ARHGAP15: variants seen among roughly 807,000 people sequenced by gnomAD.
ARHGAP15 encodes the protein Rho GTPase activating protein 15.
ARHGAP15 carries 51 observed loss-of-function variants against 63.7 expected under a neutral mutation model. The observed-to-expected ratio is 0.80, with a 90% confidence interval of 0.64 to 1.01. The LOEUF (loss-of-function observed/expected upper bound fraction) is 1.01. Among genes scored for constraint, ARHGAP15 ranks in the 50% least tolerant of loss-of-function variants. The pLI, the probability that ARHGAP15 is intolerant of heterozygous loss-of-function variation, is 0.00. For synonymous variants in ARHGAP15, 191 were observed against 193.8 expected (o/e 0.99, Z 0.12); for missense variants, 560 against 564.6 (o/e 0.99, Z 0.08).
At chr2:143,427,728 CT>C (rs1269194054) in intron 6 of ARHGAP15, among the ~76,000 whole-genome samples, 1 of 152,022 alleles carries the variant, frequency 6.6e-6, no homozygotes, top group Non-Finnish European at 1.5e-5. Context: ...AAAATATAGC[CT>C]TCAGACTGCC....
At chr2:143,360,268 C>T (rs1022287879) in intron 6 of ARHGAP15, among the ~76,000 whole-genome samples, 6 of 151,462 alleles carry the variant, frequency 4.0e-5, no homozygotes, top group African/African-American at 1.5e-4. Context: ...GCTGTAGTCC[C>T]AAGCTACTTA....
rs545025685 is a variant in ARHGAP15 at position 143,264,744 on chromosome 2, G to A, written c.474+14144G>A. 3.0e-4 allele frequency among the ~76,000 whole-genome samples: 45 copies of A among 152,192 alleles called. No individual in the cohort carries two copies. In the South Asian group the frequency reaches 8.9e-3, roughly 30 times the overall value. ...AATAGCTAATTGATACAAGTAATAT[G>A]TCTACAAATACAGTAGTTTGATTTT... On this transcript the variant is annotated intron_variant, in intron 6 of 13. Coordinates refer to ENST00000295095, the MANE Select transcript of ARHGAP15 (RefSeq NM_018460.4).
At chr2:143,221,127 T>C (rs73962376) in intron 4 of ARHGAP15, among the ~76,000 whole-genome samples, 2,171 of 152,254 alleles carry the variant, frequency 0.014, 66 homozygotes, top group African/African-American at 0.05. Flanking sequence ...GGTACTTCAA[T>C]TGTCACTTAA....
chr2:143,406,052 T>G (rs534756083), intron 6 of ARHGAP15, among the ~76,000 whole-genome samples: 2 of 152,064 alleles, frequency 1.3e-5, no homozygotes, highest in East Asian at 3.9e-4. Flanking sequence ...CTTTGAATAT[T>G]TTTCTGTTTC....
At chr2:143,703,309 C>G in intron 12 of ARHGAP15, 110 bp from the exon 13 acceptor site, 3 of 677,936 alleles carry the variant, frequency 4.4e-6, no homozygotes, top group Non-Finnish European at 7.4e-6. Flanking sequence ...CTGACTAGGA[C>G]TCTTAGTTGC....
intron 6 of ARHGAP15, among the ~76,000 whole-genome samples, chr2:143,259,284 A>C (rs1219645032): frequency 1.3e-5 from 2 of 152,160 alleles, no homozygotes; most frequent in South Asian, 2.1e-4. Context: ...ATCAGAAAAG[A>C]AAATATTTGT....
intron 11 of ARHGAP15, among the ~76,000 whole-genome samples, chr2:143,560,306 ATTTAT>A (rs1695967851): frequency 6.6e-6 from 1 of 152,222 alleles, no homozygotes; most frequent in African/African-American, 2.4e-5. Context: ...CATTTTCATA[ATTTAT>A]TATGTGCCAG....
rs144673075 is a variant in ARHGAP15, at chr2:143,492,892, T to C, written c.826+5397T>C. On this transcript the variant is annotated intron_variant, in intron 9 of 13. Transcript: ENST00000295095. ...TACCATAGTGGAACCCCGTCTCTTC[T>C]AAAAAATACAAAAAAATTAGCCAGC... is the stretch of plus-strand genomic sequence containing the variant. Among the ~76,000 whole-genome samples the C allele has an allele frequency of 6.0e-3, 841 of 139,580 alleles. 11 individuals carry two copies. Among genetic ancestry groups the C allele is most frequent in the African/African-American group, 0.02 (804 of 39,970 alleles). The allele number at this position is 139,580 out of a possible 152,430, so 91.6% of individuals were successfully genotyped here.
At chr2:143,580,387 G>C (rs1277881955) in intron 11 of ARHGAP15, among the ~76,000 whole-genome samples, 2 of 152,044 alleles carry the variant, frequency 1.3e-5, no homozygotes, top group African/African-American at 4.8e-5. Context: ...ATTATTTCCA[G>C]CCCACGCCCA....
intron 3 of ARHGAP15, among the ~76,000 whole-genome samples, chr2:143,208,585 G>T (rs140614365): frequency 6.6e-6 from 1 of 152,106 alleles, no homozygotes; most frequent in African/African-American, 2.4e-5. Context: ...ATAGGGTTTC[G>T]GTAGAAGAGA....
chr2:143,570,749 A>G (rs1216563357), intron 11 of ARHGAP15, among the ~76,000 whole-genome samples: 3 of 152,204 alleles, frequency 2.0e-5, no homozygotes, highest in African/African-American at 7.2e-5. Context: ...ATTTCCTGCA[A>G]TTTACACATT....
At chr2:143,307,642 G>A (rs932849211) in intron 6 of ARHGAP15, among the ~76,000 whole-genome samples, 1 of 152,042 alleles carries the variant, frequency 6.6e-6, no homozygotes, top group East Asian at 1.9e-4. Context: ...TGTGAAAAGA[G>A]AGAGAAAAGA....
chr2:143,663,638 A>T (rs1282319876), intron 12 of ARHGAP15, among the ~76,000 whole-genome samples: 1 of 152,156 alleles, frequency 6.6e-6, no homozygotes, highest in Non-Finnish European at 1.5e-5. Flanking sequence ...ATAAAGAGTC[A>T]AGACCCATCA....
At chr2:143,518,649 C>T (rs370176463) in intron 9 of ARHGAP15, among the ~76,000 whole-genome samples, 2 of 152,124 alleles carry the variant, frequency 1.3e-5, no homozygotes, top group African/African-American at 2.4e-5. Flanking sequence ...TTCCAAAGAA[C>T]CTGTGTCACA....
intron 2 of ARHGAP15, among the ~76,000 whole-genome samples, chr2:143,198,064 C>T (rs1691954714): frequency 2.6e-5 from 4 of 151,804 alleles, no homozygotes; most frequent in Admixed American, 2.6e-4. Flanking sequence ...GGTTAAAATA[C>T]TACCTATGCC....
At chr2:143,644,630 G>A (rs1454250083) in intron 12 of ARHGAP15, among the ~76,000 whole-genome samples, 2 of 152,026 alleles carry the variant, frequency 1.3e-5, no homozygotes, top group Non-Finnish European at 2.9e-5. Context: ...TTACCCAACT[G>A]AATTTTTACA....
intron 12 of ARHGAP15, among the ~76,000 whole-genome samples, chr2:143,663,845 C>A (rs1681983673): frequency 6.6e-6 from 1 of 152,150 alleles, no homozygotes; most frequent in Non-Finnish European, 1.5e-5. Context: ...GTAAAGGGAT[C>A]AATTCAACAA....
At chr2:143,370,263 A>C (rs1216066905) in intron 6 of ARHGAP15, among the ~76,000 whole-genome samples, 3 of 152,102 alleles carry the variant, frequency 2.0e-5, no homozygotes, top group East Asian at 1.9e-4. Context: ...TTACATACTT[A>C]AGATCCTTGG....
At chr2:143,592,541 G>T (rs946433335) in intron 11 of ARHGAP15, among the ~76,000 whole-genome samples, 5 of 152,138 alleles carry the variant, frequency 3.3e-5, no homozygotes, top group Non-Finnish European at 7.3e-5. Flanking sequence ...AGTGGAGTCT[G>T]CAGCCCTGTG....
Sources: gnomAD v4.1 joint callset for allele counts (sites outside exome capture counted in the v4.1 genomes callset) on GRCh38, gnomAD v4.1.1 for gene constraint, MANE v1.5 for transcripts, NCBI Gene and HGNC (gene_info 2026-07-23, HGNC 2026-07-21) for gene names.